Variants in SPATA22 observed in about 807,000 individuals in gnomAD.
SPATA22 encodes spermatogenesis associated 22, also known as spermatogenesis-associated protein 22.
SPATA22 carries 29 observed loss-of-function variants against 47.8 expected under a neutral mutation model. The observed-to-expected ratio is 0.61, with a 90% confidence interval of 0.45 to 0.83. SPATA22 has a LOEUF of 0.83. SPATA22 is among the 40% of genes least tolerant of loss of function. The pLI, the probability that SPATA22 is intolerant of heterozygous loss-of-function variation, is 0.00. For missense variants in SPATA22, 410 were observed against 421.7 expected, an observed-to-expected ratio of 0.97 and a Z score of 0.24; for synonymous variants, 133 against 140.9, an observed-to-expected ratio of 0.94 and a Z score of 0.40.
rs769947909 is a variant in SPATA22 at position 3,489,311 on chromosome 17, T to C, written c.-73-19913A>G. ...ATCAAATGAGAAAAATGATTAAACATGCTCTTGATTTTATACATCATTTCA... is the reference window on the plus strand; with the variant it reads ...ATCAAATGAGAAAAATGATTAAACACGCTCTTGATTTTATACATCATTTCA... On this transcript the variant is annotated intron_variant, in intron 1 of 8. Transcript: ENST00000541913. 9 of 1,613,196 alleles carry C rather than the reference T, an allele frequency of 5.6e-6. No homozygotes were observed. In the East Asian group the frequency reaches 2.0e-4, roughly 36 times the overall value.
In SPATA22 at chr17:3,464,419, G is replaced by A. The variant is rs1381245061; in HGVS notation, c.173-1652C>T. 5.3e-5 allele frequency among the ~76,000 whole-genome samples: 8 copies of A among 150,796 alleles called. No homozygotes were observed. The East Asian group carries it at 1.6e-3, about 30-fold the overall frequency. ...GCCGCCACCCCGTCTGGGAAGTGAG[G>A]AGCGTCTCTGCCTGGCCGCCCATCG... On this transcript the variant is annotated intron_variant, in intron 3 of 8. Coordinates refer to ENST00000572969, the MANE Select transcript of SPATA22 (RefSeq NM_001170698.2).
chr17:3,482,930 T>TCCCTCCC (rs1189465720), intron 1 of SPATA22, among the ~76,000 whole-genome samples: 1 of 119,264 alleles, frequency 8.4e-6, no homozygotes, highest in Non-Finnish European at 1.7e-5. Context: ...CCTAATGCTA[T>TCCCTCCC]CCCTCCCCCC....
chr17:3,489,742 A>G (rs766180952), intron 1 of SPATA22, among the ~76,000 whole-genome samples: 20 of 152,228 alleles, frequency 1.3e-4, no homozygotes, highest in Admixed American at 4.6e-4. Context: ...GGAAACTCTC[A>G]TTACCTGCTG....
At chr17:3,470,791 C>G (rs757041469) in intron 1 of SPATA22, among the ~76,000 whole-genome samples, 3 of 150,962 alleles carry the variant, frequency 2.0e-5, no homozygotes, top group Non-Finnish European at 2.9e-5. Flanking sequence ...AACACGAGGT[C>G]AGGTGCTGCC....
intron 7 of SPATA22, 74 bp from the exon 8 acceptor site, chr17:3,443,345 T>C (rs769071641): frequency 1.2e-5 from 13 of 1,044,894 alleles, no homozygotes; most frequent in South Asian, 1.5e-5. Flanking sequence ...GAGAAGCTGA[T>C]GTTTAAATAA....
At chr17:3,508,085 A>C (rs2150770971) in intron 1 of SPATA22, among the ~76,000 whole-genome samples, 1 of 152,348 alleles carries the variant, frequency 6.6e-6, no homozygotes, top group Middle Eastern at 3.4e-3. Context: ...TAAATAATTC[A>C]CCAAATGCAG....
intron 5 of SPATA22, among the ~76,000 whole-genome samples, chr17:3,456,200 A>G (rs1464901657): frequency 6.6e-6 from 1 of 152,094 alleles, no homozygotes; most frequent in East Asian, 1.9e-4. Context: ...CTAAAATCAG[A>G]GCAGAACTGA....
chr17:3,504,139 A>G (rs1447071407), intron 1 of SPATA22, among the ~76,000 whole-genome samples: 1 of 152,116 alleles, frequency 6.6e-6, no homozygotes, highest in Non-Finnish European at 1.5e-5. Context: ...GCTCTAGCCA[A>G]TAATGCCTTT....
At chr17:3,462,268 C>A (rs2073140143) in intron 5 of SPATA22, among the ~76,000 whole-genome samples, 1 of 152,160 alleles carries the variant, frequency 6.6e-6, no homozygotes, top group South Asian at 2.1e-4. Flanking sequence ...GAAGCATAAT[C>A]ACTGTGAAAT....
At chr17:3,447,575 C>T (rs2072756027) in intron 6 of SPATA22, among the ~76,000 whole-genome samples, 1 of 152,092 alleles carries the variant, frequency 6.6e-6, no homozygotes, top group African/African-American at 2.4e-5. Context: ...CAACAAAAAA[C>T]AAAACATGCA....
chr17:3,475,916 T>C (rs114098571), upstream of SPATA22: 643 of 530,544 alleles, frequency 1.2e-3, 1 homozygote, highest in African/African-American at 0.011. Context: ...AACAGCTGTA[T>C]CTCTAGTTGA....
In SPATA22 at chr17:3,458,658, C is replaced by T. The variant is rs564154410; in HGVS notation, c.329+3825G>A. 3.3e-5 allele frequency among the ~76,000 whole-genome samples: 5 copies of T among 151,864 alleles called. 1 individual carries two copies. The South Asian group carries it at 1.0e-3, about 32-fold the overall frequency. ...AGGAGTTGGAGACCAGCCTGGCCAA[C>T]ATGGTGAAACCCCATCTCTACTAAA... On this transcript the variant is annotated intron_variant, in intron 5 of 8. Coordinates refer to ENST00000572969, the MANE Select transcript of SPATA22 (RefSeq NM_001170698.2).
chr17:3,504,941 G>A (rs1232001039), intron 1 of SPATA22, among the ~76,000 whole-genome samples: 1 of 152,144 alleles, frequency 6.6e-6, no homozygotes, highest in African/African-American at 2.4e-5. Context: ...AGATCTCAAA[G>A]CCTCACCACG....
At chr17:3,502,221 G>A (rs1471610720) in intron 1 of SPATA22, 1 of 152,136 alleles carries the variant, frequency 6.6e-6, no homozygotes, top group Non-Finnish European at 1.5e-5. Flanking sequence ...TAGCAATAAA[G>A]CATTTTTAAT....
At chr17:3,457,081 C>A (rs71360943) in intron 5 of SPATA22, among the ~76,000 whole-genome samples, 34,997 of 151,854 alleles carry the variant, frequency 0.23, 4,281 homozygotes, top group East Asian at 0.42. Flanking sequence ...GACAAACCCA[C>A]AGCCAATATC....
At chr17:3,459,307 G>A (rs2073070512) in intron 5 of SPATA22, among the ~76,000 whole-genome samples, 1 of 152,154 alleles carries the variant, frequency 6.6e-6, no homozygotes, top group Non-Finnish European at 1.5e-5. Context: ...GTAATTATGT[G>A]AAGAGATGGA....
At chr17:3,456,292 G>C (rs1410096542) in intron 5 of SPATA22, among the ~76,000 whole-genome samples, 2 of 151,084 alleles carry the variant, frequency 1.3e-5, no homozygotes, top group African/African-American at 2.4e-5. Flanking sequence ...AAAATTGATA[G>C]ACCGCTAGCA....
rs545223532 is a variant in SPATA22 at position 3,458,855 on chromosome 17, C to CAAAAAAAAAAAAAAAAAAAAAA, written c.329+3606_329+3627dup. Among the ~76,000 whole-genome samples, 42 of 38,346 alleles carry CAAAAAAAAAAAAAAAAAAAAAA rather than the reference C, an allele frequency of 1.1e-3. 1 individual carries two copies. The highest frequency in any genetic ancestry group is 2.7e-3 in the South Asian group (2 of 732). The allele number at this position is 38,346 out of a possible 152,430, so 25.2% of individuals were successfully genotyped here. On this transcript the variant is annotated intron_variant, in intron 5 of 8. Coordinates refer to ENST00000572969, the MANE Select transcript of SPATA22 (RefSeq NM_001170698.2). ...CCTGGGCAACAAGAGCGAAACTTCA[C>CAAAAAAAAAAAAAAAAAAAAAA]AAAAAAAAAAAAAAAAAAAAAAAAA...
chr17:3,446,156 T>A (rs551830487), intron 7 of SPATA22, among the ~76,000 whole-genome samples: 1 of 152,248 alleles, frequency 6.6e-6, no homozygotes, highest in East Asian at 1.9e-4. Flanking sequence ...TAATACAAGA[T>A]AATCTTCCCA....
Sources: gnomAD v4.1 joint callset for allele counts (sites outside exome capture counted in the v4.1 genomes callset) on GRCh38, gnomAD v4.1.1 for gene constraint, MANE v1.5 for transcripts, NCBI Gene and HGNC (gene_info 2026-07-23, HGNC 2026-07-21) for gene names.